MYO5B: variants seen among roughly 807,000 people sequenced by gnomAD.
MYO5B encodes myosin VB.
A neutral mutation model predicts 229.3 loss-of-function variants in MYO5B; 143 were observed. That is an observed-to-expected ratio of 0.62 (90% CI 0.54 to 0.72). MYO5B has a LOEUF of 0.72. Among genes scored for constraint, MYO5B ranks in the 30% least tolerant of loss-of-function variants. MYO5B has a pLI of 0.00. For synonymous variants in MYO5B, 918 were observed against 885.2 expected (o/e 1.04, Z -0.66); for missense variants, 2,321 against 2,331.0 (o/e 1.00, Z 0.09).
At chr18:49,889,232 T>G (rs2024681398) in intron 22 of MYO5B, among the ~76,000 whole-genome samples, 1 of 152,210 alleles carries the variant, frequency 6.6e-6, no homozygotes, top group Non-Finnish European at 1.5e-5. Context: ...GCACATACAA[T>G]GTAGGAAAAC....
intron 1 of MYO5B, among the ~76,000 whole-genome samples, chr18:50,060,318 A>T (rs2030657457): frequency 6.6e-6 from 1 of 152,206 alleles, no homozygotes; most frequent in African/African-American, 2.4e-5. Flanking sequence ...CCATTATTTT[A>T]TGAGCCAGCC....
chr18:50,082,705 C>A (rs1426682262), intron 1 of MYO5B, among the ~76,000 whole-genome samples: 1 of 152,106 alleles, frequency 6.6e-6, no homozygotes, highest in Non-Finnish European at 1.5e-5. Context: ...CATTAGACAA[C>A]GCATGCTTAT....
At chr18:50,092,657 C>T (rs2031471977) in intron 1 of MYO5B, among the ~76,000 whole-genome samples, 1 of 152,060 alleles carries the variant, frequency 6.6e-6, no homozygotes, top group Non-Finnish European at 1.5e-5. Context: ...TCAGGCTTTT[C>T]AACAGGGTGA....
chr18:49,839,359 G>C, intron 35 of MYO5B, 65 bp from the exon 36 acceptor site: 1 of 1,584,192 alleles, frequency 6.3e-7, no homozygotes, highest in South Asian at 1.1e-5. Flanking sequence ...AACTTCCAGG[G>C]CTCTGGTAAC....
chr18:49,881,901 C>G (rs1258824403), intron 22 of MYO5B, among the ~76,000 whole-genome samples: 1 of 151,890 alleles, frequency 6.6e-6, no homozygotes, highest in Non-Finnish European at 1.5e-5. Flanking sequence ...AGTAACAATT[C>G]AGCTGTGTTC....
At chr18:50,003,085 C>G (rs1361311784) in intron 4 of MYO5B, among the ~76,000 whole-genome samples, 16 of 152,040 alleles carry the variant, frequency 1.1e-4, no homozygotes, top group Non-Finnish European at 1.5e-5. Flanking sequence ...AAGAAGCAGG[C>G]TGGAGGTGGG....
chr18:49,826,634 G>T lies in MYO5B; in HGVS notation c.5395-11C>A, dbSNP rs775849075. 4 of 1,612,586 alleles carry T rather than the reference G, an allele frequency of 2.5e-6. No individual in the cohort carries two copies. Among genetic ancestry groups the T allele is most frequent in the Non-Finnish European group, 3.4e-6 (4 of 1,179,774 alleles). ...CTCTTGTAGTTGTGCCTATGGGGAA[G>T]AATAAGACCATGTAAAGTTTGAGTA... is the stretch of plus-strand genomic sequence containing the variant. On this transcript the variant is annotated splice_polypyrimidine_tract_variant and intron_variant, in intron 39 of 39. Transcript: ENST00000285039.
At position 50,147,422 on chromosome 18, in the gene MYO5B, C is replaced by T. The variant is rs528158591; in HGVS notation, c.27+47345G>A. Among the ~76,000 whole-genome samples, 251 of 152,308 alleles carry T rather than the reference C, an allele frequency of 1.6e-3. 9 individuals are homozygous for T. Among genetic ancestry groups the T allele is most frequent in the Non-Finnish European group, 1.3e-3 (91 of 68,032 alleles). ...GACCTCCTGATTAGCACCCCTTCTT[C>T]CAGTACTCTCTGCCTCCAGTCCAGC... On this transcript the variant is annotated intron_variant, in intron 1 of 39. Transcript: ENST00000285039.
intron 14 of MYO5B, among the ~76,000 whole-genome samples, chr18:49,943,263 G>A (rs994815241): frequency 1.3e-5 from 2 of 151,554 alleles, no homozygotes; most frequent in African/African-American, 4.8e-5. Context: ...TATACCTAAT[G>A]TTAAATGACG....
intron 2 of MYO5B, among the ~76,000 whole-genome samples, chr18:50,053,293 AG>A (rs2030452099): frequency 6.6e-6 from 1 of 152,116 alleles, no homozygotes; most frequent in Admixed American, 6.5e-5. Flanking sequence ...GCCTTGTAGC[AG>A]GGGAAGGAGG....
At chr18:50,138,545 A>T (rs748421938) in intron 1 of MYO5B, among the ~76,000 whole-genome samples, 18 of 152,242 alleles carry the variant, frequency 1.2e-4, no homozygotes, top group African/African-American at 4.3e-4. Context: ...CTCTGATTCC[A>T]TTTAGGAGGA....
chr18:49,937,206 ACATGCACCTCAGCC>A, intron 15 of MYO5B, 25 bp downstream of exon 15: 1 of 1,612,728 alleles, frequency 6.2e-7, no homozygotes. Flanking sequence ...CCAGCCCTGC[ACATGCACCTCAGCC>A]CATAGCTTTT....
At chr18:50,103,394 A>C (rs16951529) in intron 1 of MYO5B, among the ~76,000 whole-genome samples, 5,751 of 152,306 alleles carry the variant, frequency 0.038, 359 homozygotes, top group African/African-American at 0.13. Context: ...GTGCTTGTTC[A>C]AAATCCCTAC....
intron 1 of MYO5B, among the ~76,000 whole-genome samples, chr18:50,162,200 G>T (rs1256368581): frequency 1.3e-5 from 2 of 152,130 alleles, no homozygotes; most frequent in Non-Finnish European, 2.9e-5. Context: ...CTTCAAATGG[G>T]GTTCTAAAAT....
chr18:49,907,025 C>T (rs1243445650), intron 18 of MYO5B, among the ~76,000 whole-genome samples: 1 of 152,142 alleles, frequency 6.6e-6, no homozygotes, highest in Non-Finnish European at 1.5e-5. Flanking sequence ...GAGCAAAGAC[C>T]TAAATGAGCT....
intron 30 of MYO5B, among the ~76,000 whole-genome samples, chr18:49,855,220 G>A (rs372373514): frequency 1.4e-4 from 22 of 152,280 alleles, no homozygotes; most frequent in African/African-American, 4.3e-4. Context: ...TGTGCAGCAC[G>A]TTCACTGTTC....
intron 1 of MYO5B, among the ~76,000 whole-genome samples, chr18:50,112,093 G>A (rs2031874498): frequency 6.6e-6 from 1 of 152,224 alleles, no homozygotes; most frequent in Non-Finnish European, 1.5e-5. Context: ...GTGGGCAAAG[G>A]AAGAGAGCTA....
Position 49,841,367 on chromosome 18 carries a change from C to T in MYO5B, c.4699G>A (p.Glu1567Lys), listed in dbSNP as rs2144038053. Residue 1567 changes from glutamate to lysine, a missense_variant and splice_region_variant, in exon 35 of 40, where the codon GAG (glutamate) becomes AAG (lysine). Glu to Lys is a moderately conservative substitution (Grantham distance 56). Around this residue, in one of 2 missense-constraint regions of MYO5B, gnomAD observed 2,113 missense variants for 2,044.7 expected, o/e 1.03. Coordinates refer to ENST00000285039, the MANE Select transcript of MYO5B (RefSeq NM_001080467.3). ...TGGGTGCCTGGCTCCCCACTCACCT[C>T]ATCCCCGCTGTACTGCTTCAGACAG... ...LHCLKQYSGD[E>K]GFMTQNTAKQ... The T allele has an allele frequency of 3.7e-6, 6 of 1,614,188 alleles. No individual in the cohort carries two copies. Among genetic ancestry groups the T allele is most frequent in the Non-Finnish European group, 8.5e-7 (1 of 1,180,006 alleles).
chr18:50,132,399 C>T (rs2032268026), intron 1 of MYO5B, among the ~76,000 whole-genome samples: 1 of 152,156 alleles, frequency 6.6e-6, no homozygotes, highest in Admixed American at 6.5e-5. Flanking sequence ...GACTTGTGTC[C>T]TTCTGTCGTT....
Sources: allele counts gnomAD v4.1 joint callset (sites outside exome capture counted in the v4.1 genomes callset), GRCh38; gene constraint gnomAD v4.1.1; regional missense constraint gnomAD v4.1.1; transcripts MANE v1.5; gene names NCBI Gene and HGNC (gene_info 2026-07-23, HGNC 2026-07-21).